The following GRID1 variants were observed in gnomAD, a reference collection of about 807,000 sequenced individuals.
GRID1 encodes the protein glutamate receptor ionotropic, delta-1.
GRID1 carries 28 observed loss-of-function variants against 98.0 expected under a neutral mutation model. The ratio of observed to expected loss-of-function variants is 0.29; its 90% CI spans 0.21 to 0.39. The LOEUF is 0.39. Among genes scored for constraint, GRID1 ranks in the 10% least tolerant of loss-of-function variants. The pLI, the probability that GRID1 is intolerant of heterozygous loss-of-function variation, is 1.00. For synonymous variants in GRID1, 553 were observed against 538.5 expected, an observed-to-expected ratio of 1.03 and a Z score of -0.37; for missense variants, 1,111 against 1,340.5, an observed-to-expected ratio of 0.83 and a Z score of 2.67.
rs529934809 is a variant in GRID1, at chr10:85,616,573, T to C, written c.2361-2926A>G. ...TCCCTATAATTGTATGCATTTTTTATACCCAATCTTATCCCAGAATGATAG... is the reference window on the plus strand; with the variant it reads ...TCCCTATAATTGTATGCATTTTTTACACCCAATCTTATCCCAGAATGATAG... On this transcript the variant is annotated intron_variant, in intron 14 of 15. Coordinates refer to ENST00000327946, the MANE Select transcript of GRID1 (RefSeq NM_017551.3). 2.6e-5 allele frequency among the ~76,000 whole-genome samples: 4 copies of C among 152,328 alleles called. No homozygotes were observed. The East Asian group carries it at 7.7e-4, about 29-fold the overall frequency.
At chr10:85,771,433 G>T (rs1230393536) in intron 8 of GRID1, among the ~76,000 whole-genome samples, 3 of 151,944 alleles carry the variant, frequency 2.0e-5, no homozygotes, top group Non-Finnish European at 1.5e-5. Flanking sequence ...AAAATAACCA[G>T]CTAACATCAT....
chr10:85,976,324 C>T (rs1392733682), intron 4 of GRID1, among the ~76,000 whole-genome samples: 7 of 152,146 alleles, frequency 4.6e-5, no homozygotes, highest in Non-Finnish European at 1.0e-4. Context: ...GATGGTGCTC[C>T]ATCAATACAT....
chr10:85,665,937 G>A (rs1031647046), intron 12 of GRID1, among the ~76,000 whole-genome samples: 3 of 152,156 alleles, frequency 2.0e-5, no homozygotes, highest in African/African-American at 7.2e-5. Context: ...ATTCCACCAA[G>A]GCGAGGGTGG....
intron 4 of GRID1, among the ~76,000 whole-genome samples, chr10:85,967,934 A>G (rs187447380): frequency 4.9e-4 from 74 of 152,308 alleles, no homozygotes; most frequent in African/African-American, 1.7e-3. Context: ...GCCAGCAAAA[A>G]TGAAGGAGAA....
chr10:86,095,542 G>A (rs578240170), intron 4 of GRID1, among the ~76,000 whole-genome samples: 1 of 152,222 alleles, frequency 6.6e-6, no homozygotes, highest in Non-Finnish European at 1.5e-5. Context: ...CAAAAAGTGG[G>A]CTAAAGACAT....
intron 4 of GRID1, among the ~76,000 whole-genome samples, chr10:85,949,556 T>C (rs1009756902): frequency 6.6e-6 from 1 of 152,222 alleles, no homozygotes; most frequent in African/African-American, 2.4e-5. Flanking sequence ...ATTTACAGTG[T>C]TTCCAGGTTT....
At chr10:85,757,996 C>G (rs191549863) in intron 8 of GRID1, among the ~76,000 whole-genome samples, 1 of 152,338 alleles carries the variant, frequency 6.6e-6, no homozygotes, top group East Asian at 1.9e-4. Context: ...CAGCCTCACA[C>G]AGGCTGACCT....
chr10:86,291,999 A>C lies in GRID1; in HGVS notation c.235+71942T>G, dbSNP rs1847519861. ...AAGCCAGGGCCTATTCCTCTCCTTCACTGTCATCATCACCTGGAGTCTGGG... is the reference window on the plus strand; with the variant it reads ...AAGCCAGGGCCTATTCCTCTCCTTCCCTGTCATCATCACCTGGAGTCTGGG... On this transcript the variant is annotated intron_variant, in intron 2 of 15. Transcript: ENST00000327946. 2.0e-5 allele frequency among the ~76,000 whole-genome samples: 3 copies of C among 152,144 alleles called. No individual in the cohort carries two copies. In the South Asian group the frequency reaches 6.2e-4, roughly 32 times the overall value.
chr10:85,997,762 C>A (rs1488397827), intron 4 of GRID1, among the ~76,000 whole-genome samples: 2 of 151,676 alleles, frequency 1.3e-5, no homozygotes, highest in Non-Finnish European at 2.9e-5. Context: ...ACATATCGAT[C>A]AAAAATTGAT....
intron 2 of GRID1, among the ~76,000 whole-genome samples, chr10:86,257,421 A>T (rs1228177657): frequency 2.6e-5 from 4 of 152,244 alleles, no homozygotes; most frequent in African/African-American, 9.6e-5. Context: ...GGCCATAATG[A>T]GCAAAACGGA....
At chr10:86,126,709 C>G (rs1370666402) in intron 4 of GRID1, among the ~76,000 whole-genome samples, 1 of 152,200 alleles carries the variant, frequency 6.6e-6, no homozygotes, top group Non-Finnish European at 1.5e-5. Flanking sequence ...TTGTAATTAG[C>G]TACAAACATT....
chr10:85,752,714 T>A (rs933978951), intron 8 of GRID1, among the ~76,000 whole-genome samples: 6 of 152,222 alleles, frequency 3.9e-5, no homozygotes, highest in Admixed American at 3.3e-4. Context: ...CCTCATAATA[T>A]GGCTGACAAG....
intron 2 of GRID1, among the ~76,000 whole-genome samples, chr10:86,298,968 G>A (rs759719354): frequency 2.4e-4 from 36 of 152,276 alleles, no homozygotes; most frequent in Non-Finnish European, 4.1e-4. Context: ...AGAAGCTCCC[G>A]GGCTAGCTGC....
rs35691322 is a variant in GRID1, at chr10:85,766,730, T to TTGTGTGTGTG, written c.1234-37126_1234-37117dup. 4.0e-3 allele frequency among the ~76,000 whole-genome samples: 553 copies of TTGTGTGTGTG among 138,426 alleles called. 3 individuals are homozygous for TTGTGTGTGTG. The highest frequency in any genetic ancestry group is 0.01 in the African/African-American group (376 of 36,704). 90.8% of individuals were successfully genotyped at this position (138,426 alleles called of 152,430 possible). ...ATGGAACTGTGTGAAAGGCAGATGA[T>TTGTGTGTGTG]TGTGTGTGTGTGTGTGTGTGTGTGT... On this transcript the variant is annotated intron_variant, in intron 8 of 15. Coordinates refer to ENST00000327946, the MANE Select transcript of GRID1 (RefSeq NM_017551.3).
At chr10:86,306,355 G>A (rs1384103772) in intron 2 of GRID1, among the ~76,000 whole-genome samples, 2 of 152,210 alleles carry the variant, frequency 1.3e-5, no homozygotes, top group Non-Finnish European at 2.9e-5. Context: ...AAAACCAGTG[G>A]AGAAAGCTCT....
At chr10:85,853,300 T>G (rs985278838) in intron 8 of GRID1, among the ~76,000 whole-genome samples, 1 of 152,238 alleles carries the variant, frequency 6.6e-6, no homozygotes, top group East Asian at 1.9e-4. Context: ...CCACTGCTTC[T>G]AGCCAATGGT....
At chr10:86,083,367 C>T (rs974131085) in intron 4 of GRID1, among the ~76,000 whole-genome samples, 3 of 152,108 alleles carry the variant, frequency 2.0e-5, no homozygotes, top group Non-Finnish European at 4.4e-5. Context: ...AGCGTGGTGT[C>T]GCTCATGCTA....
chr10:86,242,066 G>T (rs1041691473), intron 2 of GRID1, among the ~76,000 whole-genome samples: 11 of 152,204 alleles, frequency 7.2e-5, no homozygotes, highest in Non-Finnish European at 1.6e-4. Flanking sequence ...ACAGATTTTT[G>T]TTGAGCATTT....
At chr10:86,073,752 G>A (rs1343665503) in intron 4 of GRID1, among the ~76,000 whole-genome samples, 1 of 152,186 alleles carries the variant, frequency 6.6e-6, no homozygotes, top group East Asian at 1.9e-4. Flanking sequence ...CACTTGGCTG[G>A]AATCCTCAGA....
Sources: allele counts gnomAD v4.1 joint callset (sites outside exome capture counted in the v4.1 genomes callset), GRCh38; gene constraint gnomAD v4.1.1; transcripts MANE v1.5; gene names NCBI Gene and HGNC (gene_info 2026-07-23, HGNC 2026-07-21).